Variants in KIF18A observed in about 807,000 individuals in gnomAD.
KIF18A encodes kinesin-like protein KIF18A.
KIF18A carries 67 observed loss-of-function variants against 103.3 expected under a neutral mutation model. The ratio of observed to expected loss-of-function variants is 0.65; its 90% CI spans 0.53 to 0.79. The LOEUF is 0.79. Ranked by LOEUF, KIF18A falls within the 30% of genes least tolerant of loss-of-function variation. The pLI is 0.00. For missense variants in KIF18A, 1,032 were observed against 1,062.5 expected (o/e 0.97, Z 0.40); for synonymous variants, 367 against 355.5 (o/e 1.03, Z -0.36).
At chr11:28,061,673 A>G (rs1283308369) in intron 12 of KIF18A, among the ~76,000 whole-genome samples, 1 of 152,128 alleles carries the variant, frequency 6.6e-6, no homozygotes, top group East Asian at 1.9e-4. Context: ...AAAAAGCTAT[A>G]CTAATATGAT....
intron 2 of KIF18A, among the ~76,000 whole-genome samples, chr11:28,096,173 CAAAAAAAAAAAAA>C (rs1156735166): frequency 2.0e-5 from 1 of 49,694 alleles, no homozygotes; most frequent in Non-Finnish European, 3.4e-5. Context: ...AAGACTTCAT[CAAAAAAAAAAAAA>C]AAAAAAAAAA....
chr11:28,069,383 G>C lies in KIF18A; in HGVS notation c.1466C>G (p.Thr489Ser). ...KRDHRLAMLKTRRSYLEKRRE... is the reference protein window; with the variant it reads ...KRDHRLAMLKSRRSYLEKRRE... ...CCTTTTCTCCAGGTAGGAGCGACGAGTTTTCAACATTGCAAGTCTATGATC... is the reference window on the plus strand; with the variant it reads ...CCTTTTCTCCAGGTAGGAGCGACGACTTTTCAACATTGCAAGTCTATGATC... Residue 489 changes from threonine (T) to serine (S), a missense_variant, in exon 11 of 17, where the codon ACT (threonine) becomes AGT (serine). Transcript: ENST00000263181. The C allele has an allele frequency of 6.2e-7, 1 of 1,613,626 alleles. No homozygotes were observed. Among genetic ancestry groups the C allele is most frequent in the Non-Finnish European group, 8.5e-7 (1 of 1,179,776 alleles).
chr11:28,091,278 T>C, intron 4 of KIF18A, 131 bp downstream of exon 4: 1 of 566,462 alleles, frequency 1.8e-6, no homozygotes, highest in South Asian at 2.6e-5. Flanking sequence ...AAATATACCC[T>C]AATCATTTAA....
chr11:28,045,898 C>T (rs1193891856), intron 13 of KIF18A, among the ~76,000 whole-genome samples: 1 of 151,664 alleles, frequency 6.6e-6, no homozygotes, highest in Non-Finnish European at 1.5e-5. Context: ...TGAACAGACA[C>T]TTCTCAAAAG....
At chr11:28,063,219 C>A (rs1850878103) in intron 11 of KIF18A, among the ~76,000 whole-genome samples, 1 of 151,940 alleles carries the variant, frequency 6.6e-6, no homozygotes, top group South Asian at 2.1e-4. Flanking sequence ...GAATATACAG[C>A]CTTTATGGAG....
intron 13 of KIF18A, among the ~76,000 whole-genome samples, chr11:28,041,834 GAAA>G (rs1375323111): frequency 2.6e-5 from 4 of 151,754 alleles, no homozygotes; most frequent in Non-Finnish European, 5.9e-5. Context: ...AGAGTTCACA[GAAA>G]GTAGTATATA....
At chr11:28,085,231 A>T (rs1851211836) in intron 6 of KIF18A, among the ~76,000 whole-genome samples, 1 of 152,108 alleles carries the variant, frequency 6.6e-6, no homozygotes, top group East Asian at 1.9e-4. Context: ...GTGTCTGGGA[A>T]GACACCCATT....
chr11:28,052,344 C>A (rs1281090865), intron 13 of KIF18A, among the ~76,000 whole-genome samples: 1 of 152,074 alleles, frequency 6.6e-6, no homozygotes, highest in Non-Finnish European at 1.5e-5. Context: ...CTACAAGGCC[C>A]TATGTGATCT....
chr11:28,078,915 T>C (rs1851127911), intron 9 of KIF18A, among the ~76,000 whole-genome samples: 2 of 152,238 alleles, frequency 1.3e-5, no homozygotes, highest in Non-Finnish European at 2.9e-5. Context: ...CATACATTTA[T>C]TTCAAAAGGC....
chr11:28,035,566 T>A, intron 14 of KIF18A, 72 bp from the exon 15 acceptor site: 1 of 798,008 alleles, frequency 1.3e-6, no homozygotes, highest in Non-Finnish European at 1.8e-6. Context: ...GAAGCAAATG[T>A]GTCCATAATT....
chr11:28,047,948 G>A (rs1850659822), intron 13 of KIF18A, among the ~76,000 whole-genome samples: 1 of 152,068 alleles, frequency 6.6e-6, no homozygotes, highest in Admixed American at 6.6e-5. Flanking sequence ...TTTGGCAAAG[G>A]ATTTAGAGCT....
chr11:28,028,624 G>A (rs1277296737), intron 15 of KIF18A, among the ~76,000 whole-genome samples: 4 of 151,922 alleles, frequency 2.6e-5, no homozygotes, highest in Non-Finnish European at 5.9e-5. Flanking sequence ...AAGAACTAGA[G>A]AAGCAAGAGC....
chr11:28,058,971 G>A lies in KIF18A; in HGVS notation c.1903C>T (p.Leu635Phe), dbSNP rs1850821894. ...KQNDLPGISV[L>F]MTFPQLGPVQ... ...GGTCCAAGTTGTGGAAAGGTCATAA[G>A]AACAGAAATCCCTGGTAGATCGTTT... The change falls in exon 13 of 17, where the codon CTT becomes TTT. Residue 635 changes from leucine (L) to phenylalanine (F), a missense_variant. Leu to Phe is a conservative substitution (Grantham distance 22). Coordinates refer to ENST00000263181, the MANE Select transcript of KIF18A (RefSeq NM_031217.4). 6.2e-7 allele frequency: 1 copy of A among 1,614,056 alleles called. No homozygotes were observed. Among genetic ancestry groups the A allele is most frequent in the African/African-American group, 1.3e-5 (1 of 75,040 alleles).
At position 28,084,722 on chromosome 11, in the gene KIF18A, C is replaced by T; in HGVS notation, c.984G>A (p.Met328Ile). The T allele has an allele frequency of 6.2e-7, 1 of 1,611,722 alleles. No homozygotes were observed. Among genetic ancestry groups the T allele is most frequent in the Non-Finnish European group, 8.5e-7 (1 of 1,177,912 alleles). The change falls in exon 7 of 17, where the codon ATG becomes ATA. Residue 328 changes from methionine to isoleucine, a missense_variant. Physicochemically the swap from Met to Ile is conservative, Grantham distance 10. Transcript: ENST00000263181. ...DSLGGNCQTI[M>I]IAAVSPSSVF... is the part of the protein sequence containing the mutation. Reference sequence around the variant, plus strand: ...CAGAGGAAGGACTAACAGCAGCTATCATTATAGTTTGACAGTTTCCTCCAA... The same window carrying T: ...CAGAGGAAGGACTAACAGCAGCTATTATTATAGTTTGACAGTTTCCTCCAA...
chr11:28,091,851 T>A (rs1201142463), intron 3 of KIF18A, among the ~76,000 whole-genome samples: 2 of 152,222 alleles, frequency 1.3e-5, no homozygotes, highest in African/African-American at 4.8e-5. Context: ...GGAGTCTCGC[T>A]GTCTCCCAGG....
At chr11:28,058,266 A>G (rs554095770) in intron 13 of KIF18A, among the ~76,000 whole-genome samples, 1 of 152,118 alleles carries the variant, frequency 6.6e-6, no homozygotes, top group East Asian at 1.9e-4. Context: ...ACAGATTATT[A>G]TCATAAAATA....
At chr11:28,076,935 GAAAAAAAA>G (rs11433506) in intron 10 of KIF18A, 64 bp downstream of exon 10, 2 of 293,114 alleles carry the variant, frequency 6.8e-6, no homozygotes, top group South Asian at 5.8e-5. Flanking sequence ...GACTCCTTCT[GAAAAAAAA>G]AAAAAAAAAA....
At chr11:28,047,304 TACAC>T (rs563330763) in intron 13 of KIF18A, among the ~76,000 whole-genome samples, 1 of 152,068 alleles carries the variant, frequency 6.6e-6, no homozygotes, top group South Asian at 2.1e-4. Flanking sequence ...GGAATAAACT[TACAC>T]ACAAATGTTT....
At chr11:28,062,645 A>T (rs1850870448) in intron 11 of KIF18A, 129 bp from the exon 12 acceptor site, 1 of 687,750 alleles carries the variant, frequency 1.5e-6, no homozygotes, top group Admixed American at 4.2e-5. Flanking sequence ...GTTTAGAAAC[A>T]ATTTGAAAAA....
Sources: gnomAD v4.1 joint callset for allele counts (sites outside exome capture counted in the v4.1 genomes callset) on GRCh38, gnomAD v4.1.1 for gene constraint, MANE v1.5 for transcripts, NCBI Gene and HGNC (gene_info 2026-07-23, HGNC 2026-07-21) for gene names.